The following LPP variants were observed in gnomAD, a reference collection of about 807,000 sequenced individuals.
The protein encoded by LPP is lipoma-preferred partner.
A neutral mutation model predicts 60.4 loss-of-function variants in LPP; 38 were observed. The ratio of observed to expected loss-of-function variants is 0.63; its 90% CI spans 0.49 to 0.83. The LOEUF (loss-of-function observed/expected upper bound fraction) is 0.83, where lower values mean the gene tolerates loss of function less well. LPP is among the 40% of genes least tolerant of loss of function. The pLI, the probability that LPP is intolerant of heterozygous loss-of-function variation, is 0.00. For synonymous variants in LPP, 328 were observed against 290.8 expected, an observed-to-expected ratio of 1.13 and a Z score of -1.30; for missense variants, 902 against 783.6, an observed-to-expected ratio of 1.15 and a Z score of -1.80.
intron 6 of LPP, among the ~76,000 whole-genome samples, chr3:188,578,385 C>T (rs1240957569): frequency 1.3e-5 from 2 of 152,096 alleles, no homozygotes; most frequent in Admixed American, 6.5e-5. Flanking sequence ...TTTCTTCTTT[C>T]TCCAGATGGC....
At chr3:188,245,664 T>A (rs1489480308) in intron 2 of LPP, among the ~76,000 whole-genome samples, 1 of 152,104 alleles carries the variant, frequency 6.6e-6, no homozygotes, top group African/African-American at 2.4e-5. Context: ...ACTTTTTTTT[T>A]TTTAAGATCA....
chr3:188,614,529 CT>C, intron 7 of LPP, among the ~76,000 whole-genome samples: 1 of 152,176 alleles, frequency 6.6e-6, no homozygotes, highest in Admixed American at 6.5e-5. Context: ...TTCCAAAGCA[CT>C]TTGTGGAGCT....
chr3:188,693,507 GAGGCA>G (rs1289819965), intron 7 of LPP, among the ~76,000 whole-genome samples: 1 of 152,104 alleles, frequency 6.6e-6, no homozygotes, highest in Non-Finnish European at 1.5e-5. Context: ...TGAAAGGGGG[GAGGCA>G]AGATAGAGGC....
intron 2 of LPP, among the ~76,000 whole-genome samples, chr3:188,278,382 A>G (rs146689317): frequency 0.021 from 3,123 of 152,216 alleles, 49 homozygotes; most frequent in Non-Finnish European, 0.033. Flanking sequence ...GCCAAAGACT[A>G]TGTAGGTGGT....
intron 1 of LPP, among the ~76,000 whole-genome samples, chr3:188,183,739 G>T (rs1284429121): frequency 6.6e-6 from 1 of 151,950 alleles, no homozygotes; most frequent in Non-Finnish European, 1.5e-5. Context: ...CATGGGAGGG[G>T]GTGGGAGTGG....
intron 9 of LPP, among the ~76,000 whole-genome samples, chr3:188,820,431 C>G (rs1753662712): frequency 1.3e-5 from 2 of 152,036 alleles, no homozygotes; most frequent in Non-Finnish European, 2.9e-5. Flanking sequence ...GTGTGTGTCT[C>G]TTTGTGTCTG....
At chr3:188,646,815 A>C (rs187434243) in intron 7 of LPP, among the ~76,000 whole-genome samples, 3 of 152,358 alleles carry the variant, frequency 2.0e-5, no homozygotes, top group East Asian at 3.9e-4. Flanking sequence ...TGAAGCTTAG[A>C]TGCATAAACC....
At chr3:188,813,033 C>T (rs1751504630) in intron 9 of LPP, among the ~76,000 whole-genome samples, 1 of 152,130 alleles carries the variant, frequency 6.6e-6, no homozygotes, top group Non-Finnish European at 1.5e-5. Context: ...TTTCCACTCA[C>T]TCAGTATGAA....
At chr3:188,156,967 A>G (rs1400189558) in intron 1 of LPP, among the ~76,000 whole-genome samples, 1 of 152,090 alleles carries the variant, frequency 6.6e-6, no homozygotes, top group African/African-American at 2.4e-5. Context: ...AGATTCCTGT[A>G]TTTTATTGAG....
rs138917546 is a variant in LPP at position 188,637,022 on chromosome 3, A to G, written c.1113+27178A>G. Among the ~76,000 whole-genome samples, 175 of 148,564 alleles carry G rather than the reference A, an allele frequency of 1.2e-3. 4 individuals are homozygous for G. Among genetic ancestry groups the G allele is most frequent in the African/African-American group, 4.3e-3 (171 of 39,402 alleles). ...TCTGCACCAAGTGGACCTAATAGAC[A>G]TCTGCAGAACTCTCCACCCGAAATC... On this transcript the variant is annotated intron_variant, in intron 7 of 11. Transcript: ENST00000617246.
At chr3:188,470,690 ACATGGGCCTC>A (rs571498182) in intron 4 of LPP, among the ~76,000 whole-genome samples, 167 of 152,252 alleles carry the variant, frequency 1.1e-3, no homozygotes, top group African/African-American at 3.8e-3. Flanking sequence ...GTGTAGGGTG[ACATGGGCCTC>A]CAAGAATAGC....
intron 8 of LPP, among the ~76,000 whole-genome samples, chr3:188,719,973 C>T (rs1388396767): frequency 6.6e-6 from 1 of 152,166 alleles, no homozygotes; most frequent in African/African-American, 2.4e-5. Flanking sequence ...AATGCAGTGG[C>T]GTGATCTTGG....
At chr3:188,355,876 T>A (rs1767461151) in intron 3 of LPP, among the ~76,000 whole-genome samples, 1 of 152,200 alleles carries the variant, frequency 6.6e-6, no homozygotes, top group Non-Finnish European at 1.5e-5. Flanking sequence ...TAGCTTAAGT[T>A]ACTAACCCAA....
intron 4 of LPP, among the ~76,000 whole-genome samples, chr3:188,429,366 A>T (rs1272477934): frequency 6.6e-6 from 1 of 152,156 alleles, no homozygotes; most frequent in Non-Finnish European, 1.5e-5. Flanking sequence ...ATATCCCAAT[A>T]AAAACAAAGA....
At position 188,545,810 on chromosome 3, in the gene LPP, T is replaced by C. The variant is rs373912074; in HGVS notation, c.429+21023T>C. On this transcript the variant is annotated intron_variant, in intron 6 of 11. Coordinates refer to ENST00000617246, the MANE Select transcript of LPP (RefSeq NM_001375462.1). ...GTTTTAGAACTTACACAGAGTGTCC[T>C]TTCTACTATACACTGTTGATTGAGG... Among the ~76,000 whole-genome samples, 522 of 152,234 alleles carry C rather than the reference T, an allele frequency of 3.4e-3. 5 individuals are homozygous for C. The highest frequency in any genetic ancestry group is 0.033 in the South Asian group (160 of 4,822).
chr3:188,336,423 G>T (rs1002762373), intron 2 of LPP, among the ~76,000 whole-genome samples: 1 of 152,184 alleles, frequency 6.6e-6, no homozygotes. Flanking sequence ...AAGAAGGAGT[G>T]CAGGGAAGTT....
At chr3:188,248,495 T>TATATATATATATAC (rs1358563921) in intron 2 of LPP, among the ~76,000 whole-genome samples, 9 of 138,588 alleles carry the variant, frequency 6.5e-5, no homozygotes, top group African/African-American at 2.0e-4. Context: ...TATATATATA[T>TATATATATATATAC]ATACAGTCAG....
intron 2 of LPP, among the ~76,000 whole-genome samples, chr3:188,248,944 T>C (rs1728091940): frequency 6.6e-6 from 1 of 152,172 alleles, no homozygotes; most frequent in African/African-American, 2.4e-5. Flanking sequence ...GCAAACATAG[T>C]GAACTGGAAT....
chr3:188,857,701 G>A (rs1764172107), intron 9 of LPP, among the ~76,000 whole-genome samples: 1 of 152,128 alleles, frequency 6.6e-6, no homozygotes, highest in Admixed American at 6.5e-5. Context: ...AACTCACTTA[G>A]AAATCTAGAA....
Sources: gnomAD v4.1 joint callset for allele counts (sites outside exome capture counted in the v4.1 genomes callset) on GRCh38, gnomAD v4.1.1 for gene constraint, MANE v1.5 for transcripts, NCBI Gene and HGNC (gene_info 2026-07-23, HGNC 2026-07-21) for gene names.